PCCA: variants seen among roughly 807,000 people sequenced by gnomAD.
The protein encoded by PCCA is propionyl-CoA carboxylase subunit alpha.
In PCCA, 74 loss-of-function variants were observed where a neutral mutation model predicts 101.3. The ratio of observed to expected loss-of-function variants is 0.73; its 90% confidence interval spans 0.61 to 0.89. The LOEUF (loss-of-function observed/expected upper bound fraction) is 0.89, where lower values mean the gene tolerates loss of function less well. PCCA is among the 40% of genes least tolerant of loss of function. The pLI is 0.00. For missense variants in PCCA, 891 were observed against 907.0 expected (o/e 0.98, Z 0.23); for synonymous variants, 294 against 313.6 (o/e 0.94, Z 0.66).
intron 21 of PCCA, among the ~76,000 whole-genome samples, chr13:100,510,083 G>A (rs915132897): frequency 1.7e-4 from 26 of 152,140 alleles, no homozygotes; most frequent in Admixed American, 1.4e-3. Context: ...TCTGGCAGCC[G>A]GAACTTCTAC....
intron 21 of PCCA, among the ~76,000 whole-genome samples, chr13:100,498,561 C>T (rs2085442073): frequency 2.0e-5 from 3 of 152,138 alleles, no homozygotes; most frequent in South Asian, 2.1e-4. Context: ...CATTTATTAA[C>T]GTTCACAACG....
chr13:100,294,017 G>A (rs2065329166), intron 12 of PCCA, among the ~76,000 whole-genome samples: 1 of 152,164 alleles, frequency 6.6e-6, no homozygotes. Context: ...CACTGGGGTG[G>A]CTGAAACAAC....
chr13:100,150,640 G>T, intron 4 of PCCA: 1 of 1,281,518 alleles, frequency 7.8e-7, no homozygotes, highest in Non-Finnish European at 1.1e-6. Context: ...GGACTGATTT[G>T]GTGATCCATT....
intron 7 of PCCA, among the ~76,000 whole-genome samples, chr13:100,210,632 A>G (rs550116055): frequency 2.6e-4 from 40 of 152,354 alleles, no homozygotes; most frequent in Non-Finnish European, 3.5e-4. Flanking sequence ...TGAAGTATGC[A>G]ACTTCTCCTT....
intron 9 of PCCA, among the ~76,000 whole-genome samples, chr13:100,261,099 T>C (rs920629054): frequency 2.6e-5 from 4 of 152,134 alleles, no homozygotes; most frequent in African/African-American, 9.7e-5. Context: ...TAAGAAACTT[T>C]ATTAAATATA....
intron 7 of PCCA, among the ~76,000 whole-genome samples, chr13:100,213,027 T>C (rs1056594651): frequency 6.6e-6 from 1 of 152,166 alleles, no homozygotes; most frequent in African/African-American, 2.4e-5. Flanking sequence ...TTTAACATAA[T>C]GTCCTCCAGT....
At position 100,483,151 on chromosome 13, in the gene PCCA, A is replaced by G. The variant is rs185592559; in HGVS notation, c.1900-32276A>G. On this transcript the variant is annotated intron_variant, in intron 21 of 23. Transcript: ENST00000376285. ...GAATGGGGAGGAAAAGCCACGTTTT[A>G]CTTTTATAATTTTTATTCCATCATT... 4.8e-4 allele frequency among the ~76,000 whole-genome samples: 73 copies of G among 152,158 alleles called. 1 individual carries two copies. The highest frequency in any genetic ancestry group is 1.8e-3 in the Admixed American group (27 of 15,280).
chr13:100,488,317 TCCCGA>T (rs1302696358), intron 21 of PCCA, among the ~76,000 whole-genome samples: 1 of 152,148 alleles, frequency 6.6e-6, no homozygotes, highest in Non-Finnish European at 1.5e-5. Flanking sequence ...GGTCTTGAAG[TCCCGA>T]CCTCAGGTGA....
intron 20 of PCCA, among the ~76,000 whole-genome samples, chr13:100,438,654 C>G (rs1029531695): frequency 1.3e-5 from 2 of 151,800 alleles, no homozygotes; most frequent in African/African-American, 4.8e-5. Flanking sequence ...CATATAAGCT[C>G]TGGGTCTGGC....
At chr13:100,442,239 C>T (rs993038695) in intron 20 of PCCA, among the ~76,000 whole-genome samples, 1 of 152,148 alleles carries the variant, frequency 6.6e-6, no homozygotes, top group African/African-American at 2.4e-5. Flanking sequence ...AGTGATCCGC[C>T]TTCCTTGACC....
rs374920056 is a variant in PCCA at position 100,365,145 on chromosome 13, C to T, written c.1644-3327C>T. ...TCCTATCACTTGCCTAACTCTGATA[C>T]ACTTTTACAGGTGTAGAAATATTGG... On this transcript the variant is annotated intron_variant, in intron 18 of 23. Transcript: ENST00000376285. 1.0e-3 allele frequency among the ~76,000 whole-genome samples: 153 copies of T among 152,294 alleles called. 4 individuals carry two copies. The South Asian group carries it at 0.029, about 29-fold the overall frequency.
chr13:100,194,928 T>C (rs1289378348), intron 6 of PCCA, among the ~76,000 whole-genome samples: 1 of 152,184 alleles, frequency 6.6e-6, no homozygotes, highest in African/African-American at 2.4e-5. Flanking sequence ...TTTTTGCTTA[T>C]ACTGTAAAAT....
At chr13:100,132,864 C>A (rs1172589683) in intron 4 of PCCA, among the ~76,000 whole-genome samples, 7 of 152,110 alleles carry the variant, frequency 4.6e-5, no homozygotes, top group Non-Finnish European at 1.0e-4. Context: ...ACCTCCACCT[C>A]CCGGGTTCAA....
chr13:100,314,821 A>G (rs1433025374), intron 16 of PCCA, among the ~76,000 whole-genome samples: 1 of 152,176 alleles, frequency 6.6e-6, no homozygotes, highest in Non-Finnish European at 1.5e-5. Context: ...AACTAAATGC[A>G]ATGTGTGATC....
At chr13:100,210,784 G>A (rs2059164614) in intron 7 of PCCA, among the ~76,000 whole-genome samples, 1 of 152,140 alleles carries the variant, frequency 6.6e-6, no homozygotes. Context: ...GTGTTGGGTT[G>A]TTCTTCATTG....
intron 19 of PCCA, among the ~76,000 whole-genome samples, chr13:100,389,587 G>A (rs1481330615): frequency 1.3e-5 from 2 of 152,098 alleles, no homozygotes; most frequent in East Asian, 3.9e-4. Flanking sequence ...GTGTACCTAT[G>A]TAACAAACCT....
At chr13:100,150,452 A>T (rs953541597) in intron 4 of PCCA, 7 of 739,912 alleles carry the variant, frequency 9.5e-6, no homozygotes, top group Non-Finnish European at 1.4e-5. Context: ...ATTGTTTATT[A>T]GGTATGAATT....
intron 19 of PCCA, among the ~76,000 whole-genome samples, chr13:100,411,822 C>T (rs539085061): frequency 4.6e-5 from 7 of 152,234 alleles, no homozygotes; most frequent in African/African-American, 2.4e-5. Flanking sequence ...AGGGCTCCAC[C>T]CCCACCACCT....
intron 16 of PCCA, among the ~76,000 whole-genome samples, chr13:100,321,628 TGTG>T (rs1566931087): frequency 1.3e-5 from 2 of 148,268 alleles, no homozygotes; most frequent in African/African-American, 4.9e-5. Context: ...TGTGTGTGTG[TGTG>T]TGTGTACATA....
Sources: allele counts gnomAD v4.1 joint callset (sites outside exome capture counted in the v4.1 genomes callset), GRCh38; gene constraint gnomAD v4.1.1; transcripts MANE v1.5; gene names NCBI Gene and HGNC (gene_info 2026-07-23, HGNC 2026-07-21).